The following CNTNAP4 variants were observed in gnomAD, a reference collection of about 807,000 sequenced individuals.
The protein encoded by CNTNAP4 is contactin-associated protein-like 4.
Under a neutral mutation model 148.4 loss-of-function variants are expected in CNTNAP4, and 98 were observed. The observed-to-expected ratio is 0.66, with a 90% CI of 0.56 to 0.78. The LOEUF is 0.78. Ranked by LOEUF, CNTNAP4 falls within the 30% of genes least tolerant of loss-of-function variation. The pLI is 0.00. For synonymous variants in CNTNAP4, 730 were observed against 565.1 expected, an observed-to-expected ratio of 1.29 and a Z score of -4.14; for missense variants, 1,935 against 1,565.6, an observed-to-expected ratio of 1.24 and a Z score of -3.98.
At chr16:76,520,819 TATA>T (rs1342525249) in intron 15 of CNTNAP4, among the ~76,000 whole-genome samples, 1 of 152,210 alleles carries the variant, frequency 6.6e-6, no homozygotes, top group African/African-American at 2.4e-5. Context: ...TGGCAGATCG[TATA>T]ATATCACTTT....
At position 76,444,145 on chromosome 16, in the gene CNTNAP4, A is replaced by G. The variant is rs1242099226; in HGVS notation, c.539-3867A>G. Among the ~76,000 whole-genome samples the G allele has an allele frequency of 6.6e-5, 10 of 152,176 alleles. No individual in the cohort carries two copies. In the East Asian group the frequency reaches 1.9e-3, roughly 29 times the overall value. ...CAGGAAAGCATGTTAGAATAATATT[A>G]CTAGGTAGATACGCAAGAAGTTAAT... On this transcript the variant is annotated intron_variant, in intron 4 of 23. Transcript: ENST00000611870.
At chr16:76,480,815 T>C (rs1172463865) in intron 12 of CNTNAP4, among the ~76,000 whole-genome samples, 1 of 152,212 alleles carries the variant, frequency 6.6e-6, no homozygotes, top group African/African-American at 2.4e-5. Context: ...AGATATTGAT[T>C]CCGTGCAAAC....
At chr16:76,397,138 C>G (rs151256801) in intron 3 of CNTNAP4, among the ~76,000 whole-genome samples, 11 of 152,016 alleles carry the variant, frequency 7.2e-5, no homozygotes, top group Non-Finnish European at 5.9e-5. Flanking sequence ...GAACAACAAA[C>G]CTTTCACGGA....
chr16:76,428,158 A>G (rs1370936623), intron 4 of CNTNAP4, among the ~76,000 whole-genome samples: 1 of 152,234 alleles, frequency 6.6e-6, no homozygotes, highest in Non-Finnish European at 1.5e-5. Flanking sequence ...TAGAAACCAC[A>G]GATTTCACTT....
intron 4 of CNTNAP4, among the ~76,000 whole-genome samples, chr16:76,432,296 T>C (rs2079639666): frequency 6.6e-6 from 1 of 152,172 alleles, no homozygotes; most frequent in Non-Finnish European, 1.5e-5. Flanking sequence ...AATTGCCGTT[T>C]ACCCCAACAA....
At chr16:76,323,458 C>T (rs904305580) in intron 2 of CNTNAP4, among the ~76,000 whole-genome samples, 2 of 151,956 alleles carry the variant, frequency 1.3e-5, no homozygotes, top group African/African-American at 4.8e-5. Flanking sequence ...TGTATACCAG[C>T]CTTGAGAAGG....
chr16:76,340,844 A>G (rs1964412841), intron 2 of CNTNAP4, among the ~76,000 whole-genome samples: 1 of 152,160 alleles, frequency 6.6e-6, no homozygotes, highest in Admixed American at 6.5e-5. Context: ...TCAAGGAGAT[A>G]TGTCTGCACT....
At chr16:76,422,749 C>T (rs747089319) in intron 3 of CNTNAP4, among the ~76,000 whole-genome samples, 4 of 152,122 alleles carry the variant, frequency 2.6e-5, no homozygotes, top group Admixed American at 6.6e-5. Flanking sequence ...ACAAAAATAA[C>T]TACTTCACAG....
chr16:76,301,656 A>C (rs1959981090), intron 1 of CNTNAP4, among the ~76,000 whole-genome samples: 1 of 152,174 alleles, frequency 6.6e-6, no homozygotes, highest in Admixed American at 6.5e-5. Flanking sequence ...TTCTGCTTAC[A>C]CGGGGTAAAT....
chr16:76,504,243 A>C (rs1007973933), intron 15 of CNTNAP4, among the ~76,000 whole-genome samples: 7 of 152,178 alleles, frequency 4.6e-5, no homozygotes, highest in African/African-American at 1.7e-4. Context: ...TTGACATTAC[A>C]ATAGACAAAT....
intron 9 of CNTNAP4, among the ~76,000 whole-genome samples, chr16:76,462,857 T>A (rs1429508397): frequency 2.0e-5 from 3 of 152,252 alleles, no homozygotes; most frequent in Non-Finnish European, 4.4e-5. Flanking sequence ...AGCGTTGTTT[T>A]GTCATCGTTA....
chr16:76,324,715 C>T (rs914508641), intron 2 of CNTNAP4, among the ~76,000 whole-genome samples: 1 of 151,988 alleles, frequency 6.6e-6, no homozygotes, highest in South Asian at 2.1e-4. Context: ...TTGTTAGGGC[C>T]CTTTTGCTGG....
At chr16:76,310,060 G>A (rs977600515) in intron 1 of CNTNAP4, among the ~76,000 whole-genome samples, 32 of 152,214 alleles carry the variant, frequency 2.1e-4, no homozygotes, top group African/African-American at 7.7e-4. Context: ...TCCTGGACTG[G>A]CTCCTGTAGA....
chr16:76,441,702 C>T (rs1465969119), intron 4 of CNTNAP4, among the ~76,000 whole-genome samples: 2 of 152,162 alleles, frequency 1.3e-5, no homozygotes, highest in African/African-American at 4.8e-5. Context: ...TTATGTACTT[C>T]AGCAATTCAT....
chr16:76,534,481 TAG>T (rs962545943), intron 17 of CNTNAP4, among the ~76,000 whole-genome samples: 7 of 152,202 alleles, frequency 4.6e-5, no homozygotes, highest in African/African-American at 1.7e-4. Context: ...TGCCTCTCAA[TAG>T]AATTGCCAGG....
intron 3 of CNTNAP4, among the ~76,000 whole-genome samples, chr16:76,364,736 C>G (rs2013896799): frequency 6.6e-6 from 1 of 152,118 alleles, no homozygotes; most frequent in South Asian, 2.1e-4. Context: ...ATTCACTTTG[C>G]TAATTTTCCA....
At chr16:76,316,359 C>A in intron 1 of CNTNAP4, 54 bp from the exon 2 acceptor site, 2 of 1,151,616 alleles carry the variant, frequency 1.7e-6, no homozygotes, top group Non-Finnish European at 2.6e-6. Context: ...TCTATTGATT[C>A]CACGAAAGCC....
intron 10 of CNTNAP4, among the ~76,000 whole-genome samples, chr16:76,468,992 A>C (rs949340341): frequency 6.6e-6 from 1 of 152,236 alleles, no homozygotes; most frequent in Non-Finnish European, 1.5e-5. Context: ...AATTATGAGA[A>C]TCAAAAGTAA....
At chr16:76,393,795 A>G (rs1197138888) in intron 3 of CNTNAP4, among the ~76,000 whole-genome samples, 1 of 152,198 alleles carries the variant, frequency 6.6e-6, no homozygotes, top group East Asian at 1.9e-4. Flanking sequence ...GAGAACATGC[A>G]CTAAAATCTA....
Sources: gnomAD v4.1 joint callset for allele counts (sites outside exome capture counted in the v4.1 genomes callset) on GRCh38, gnomAD v4.1.1 for gene constraint, MANE v1.5 for transcripts, NCBI Gene and HGNC (gene_info 2026-07-23, HGNC 2026-07-21) for gene names.